The following NRG1 variants were observed in gnomAD, a reference collection of about 807,000 sequenced individuals.
NRG1 encodes the protein pro-neuregulin-1, membrane-bound isoform.
Under a neutral mutation model 63.8 loss-of-function variants are expected in NRG1, and 18 were observed. The observed-to-expected ratio is 0.28, with a 90% CI of 0.19 to 0.42. The LOEUF is 0.42. Ranked by LOEUF, NRG1 falls within the 10% of genes least tolerant of loss-of-function variation. The pLI is 1.00. For missense variants in NRG1, 762 were observed against 814.7 expected (o/e 0.94, Z 0.79); for synonymous variants, 302 against 301.3 (o/e 1.00, Z -0.02).
At chr8:32,274,051 C>G (rs760475116) in intron 1 of NRG1, among the ~76,000 whole-genome samples, 12 of 152,154 alleles carry the variant, frequency 7.9e-5, no homozygotes, top group Non-Finnish European at 1.2e-4. Flanking sequence ...AATTTGAACA[C>G]ATGGCTGGTG....
intron 1 of NRG1, among the ~76,000 whole-genome samples, chr8:32,055,323 T>C (rs1035879910): frequency 6.6e-6 from 1 of 152,212 alleles, no homozygotes; most frequent in Non-Finnish European, 1.5e-5. Flanking sequence ...CACATTTCAA[T>C]ATCTATTTAA....
chr8:32,264,356 T>C (rs2129471881), intron 1 of NRG1, among the ~76,000 whole-genome samples: 1 of 152,266 alleles, frequency 6.6e-6, no homozygotes, highest in African/African-American at 2.4e-5. Flanking sequence ...TTAAATTTTC[T>C]TTTTAAAAAA....
At chr8:32,586,158 CTATA>C (rs5890660) in intron 1 of NRG1, among the ~76,000 whole-genome samples, 70,541 of 145,920 alleles carry the variant, frequency 0.48, 19,190 homozygotes, top group Admixed American at 0.61. Context: ...GTTGAAAGTA[CTATA>C]TATATATATA....
At chr8:32,427,385 C>T (rs1411173404) in intron 1 of NRG1, among the ~76,000 whole-genome samples, 1 of 152,132 alleles carries the variant, frequency 6.6e-6, no homozygotes, top group Non-Finnish European at 1.5e-5. Context: ...AATTATCCTT[C>T]CTGCGATCAC....
intron 1 of NRG1, among the ~76,000 whole-genome samples, chr8:32,081,588 G>T (rs979060564): frequency 7.2e-5 from 11 of 152,016 alleles, no homozygotes; most frequent in African/African-American, 2.7e-4. Context: ...CAGAAGATAG[G>T]GTCATTGTAG....
chr8:32,151,584 G>A (rs947594221), intron 1 of NRG1, among the ~76,000 whole-genome samples: 2 of 152,068 alleles, frequency 1.3e-5, no homozygotes, highest in African/African-American at 4.8e-5. Flanking sequence ...AGTGGTGAAC[G>A]GGAAAATCTG....
chr8:32,764,802 C>T (rs1305083452), exon 12 of NRG1: 3 of 161,280 alleles, frequency 1.9e-5, no homozygotes, highest in Non-Finnish European at 4.1e-5. Flanking sequence ...TGTAGTAGCA[C>T]CCGATCAGTA....
At chr8:32,771,308 T>G, downstream of NRG1, among the ~76,000 whole-genome samples, 4 of 115,798 alleles carry the variant, frequency 3.5e-5, no homozygotes, top group Non-Finnish European at 3.4e-5. Context: ...TTTTTTTTGG[T>G]AGGGACAAGG....
chr8:31,840,117 T>G (rs769626166), intron 1 of NRG1, among the ~76,000 whole-genome samples: 10 of 152,026 alleles, frequency 6.6e-5, no homozygotes, highest in Non-Finnish European at 1.5e-4. Context: ...ACAAATGGAG[T>G]AACAAACAAT....
intron 1 of NRG1, among the ~76,000 whole-genome samples, chr8:31,954,804 C>T (rs1804091149): frequency 6.6e-6 from 1 of 152,122 alleles, no homozygotes; most frequent in Non-Finnish European, 1.5e-5. Context: ...GCGATTTCCC[C>T]TAGAGATCTG....
intron 1 of NRG1, among the ~76,000 whole-genome samples, chr8:32,329,386 A>G (rs528650603): frequency 6.6e-6 from 1 of 152,360 alleles, no homozygotes; most frequent in East Asian, 1.9e-4. Flanking sequence ...GATTATATGT[A>G]GATAATATTT....
chr8:32,030,624 A>G (rs114664146), intron 1 of NRG1, among the ~76,000 whole-genome samples: 2,559 of 152,222 alleles, frequency 0.017, 46 homozygotes, highest in Middle Eastern at 0.054. Context: ...TATCCTTTAG[A>G]GACTCCGTTG....
At chr8:32,006,826 T>C (rs1381884797) in intron 1 of NRG1, among the ~76,000 whole-genome samples, 2 of 152,058 alleles carry the variant, frequency 1.3e-5, no homozygotes, top group Admixed American at 6.6e-5. Context: ...GACTTTGACC[T>C]TGTGATAACT....
At chr8:32,183,241 CAG>C (rs1471458280) in intron 1 of NRG1, among the ~76,000 whole-genome samples, 3 of 152,166 alleles carry the variant, frequency 2.0e-5, no homozygotes, top group Admixed American at 2.0e-4. Context: ...ATTGAGAAGA[CAG>C]GGGATTTATG....
intron 5 of NRG1, among the ~76,000 whole-genome samples, chr8:32,643,050 T>C (rs1190132650): frequency 6.6e-6 from 1 of 152,230 alleles, no homozygotes; most frequent in East Asian, 1.9e-4. Context: ...TTTTTCTTCA[T>C]TGAAGCCAGC....
intron 1 of NRG1, among the ~76,000 whole-genome samples, chr8:31,854,216 A>T (rs1827584650): frequency 6.6e-6 from 1 of 151,548 alleles, no homozygotes; most frequent in Non-Finnish European, 1.5e-5. Context: ...CCTCTGGTAG[A>T]ATTCGGCTGT....
intron 5 of NRG1, among the ~76,000 whole-genome samples, chr8:32,693,393 A>AT (rs1314339276): frequency 6.6e-6 from 1 of 151,652 alleles, no homozygotes; most frequent in Admixed American, 6.6e-5. Flanking sequence ...AATTTTTTCT[A>AT]TTTTTAGTAC....
intron 1 of NRG1, among the ~76,000 whole-genome samples, chr8:32,375,153 T>G (rs1809457046): frequency 2.3e-4 from 1 of 4,380 alleles, no homozygotes; most frequent in East Asian, 6.2e-4. Flanking sequence ...TGGATATAGT[T>G]TTTTTTTTAG....
chr8:31,729,400 A>G (rs886624388), intron 1 of NRG1, among the ~76,000 whole-genome samples: 1 of 152,180 alleles, frequency 6.6e-6, no homozygotes, highest in Non-Finnish European at 1.5e-5. Context: ...ATTTGGAAAG[A>G]GAAGAACATA....
Sources: gnomAD v4.1 joint callset for allele counts (sites outside exome capture counted in the v4.1 genomes callset) on GRCh38, gnomAD v4.1.1 for gene constraint, MANE v1.5 for transcripts, NCBI Gene and HGNC (gene_info 2026-07-23, HGNC 2026-07-21) for gene names.